MTA3: variants seen among roughly 807,000 people sequenced by gnomAD.
MTA3 encodes metastasis-associated protein MTA3.
Under a neutral mutation model 83.5 loss-of-function variants are expected in MTA3, and 34 were observed. The ratio of observed to expected loss-of-function variants is 0.41; its 90% CI spans 0.31 to 0.54. The LOEUF (loss-of-function observed/expected upper bound fraction) is 0.54. MTA3 is among the 20% of genes least tolerant of loss of function. The pLI is 0.33. For synonymous variants in MTA3, 303 were observed against 252.7 expected, an observed-to-expected ratio of 1.20 and a Z score of -1.89; for missense variants, 761 against 726.4, an observed-to-expected ratio of 1.05 and a Z score of -0.55.
At chr2:42,751,045 G>A (rs1025056369) in intron 16 of MTA3, among the ~76,000 whole-genome samples, 1 of 152,160 alleles carries the variant, frequency 6.6e-6, no homozygotes, top group Admixed American at 6.5e-5. Flanking sequence ...TGCATAGTCT[G>A]TTATCACTCA....
chr2:42,746,686 A>T (rs1204112906), intron 16 of MTA3, among the ~76,000 whole-genome samples: 2 of 152,202 alleles, frequency 1.3e-5, no homozygotes, highest in East Asian at 3.8e-4. Flanking sequence ...TAGATCCTAG[A>T]ATAGGAGAAA....
At chr2:42,688,723 G>T (rs199680028) in intron 9 of MTA3, among the ~76,000 whole-genome samples, 1 of 142,870 alleles carries the variant, frequency 7.0e-6, no homozygotes. Context: ...CGGTTTTTTT[G>T]GTAGATTCTT....
chr2:42,643,325 C>T (rs768203679), intron 5 of MTA3, among the ~76,000 whole-genome samples: 3 of 152,022 alleles, frequency 2.0e-5, no homozygotes, highest in Non-Finnish European at 2.9e-5. Flanking sequence ...CCTTTGGGAT[C>T]GTAGTGGAAA....
chr2:42,673,536 C>T (rs1691034700), intron 8 of MTA3, among the ~76,000 whole-genome samples: 1 of 152,156 alleles, frequency 6.6e-6, no homozygotes, highest in Non-Finnish European at 1.5e-5. Flanking sequence ...TATCAGTTAG[C>T]TGTTGTCATA....
At chr2:42,550,159 T>C (rs1677047997) in intron 2 of MTA3, among the ~76,000 whole-genome samples, 1 of 152,124 alleles carries the variant, frequency 6.6e-6, no homozygotes. Context: ...AGATCTACCA[T>C]AAGAACAAAT....
intron 2 of MTA3, among the ~76,000 whole-genome samples, chr2:42,516,269 G>T (rs1675141698): frequency 1.3e-5 from 2 of 152,164 alleles, no homozygotes; most frequent in Non-Finnish European, 2.9e-5. Flanking sequence ...TTAAAGTAAA[G>T]GGAAAGGGAT....
chr2:42,576,823 T>C (rs1470338720), intron 2 of MTA3, among the ~76,000 whole-genome samples: 1 of 151,832 alleles, frequency 6.6e-6, no homozygotes, highest in African/African-American at 2.4e-5. Flanking sequence ...CTTGAACCCA[T>C]GAGGCGGAAG....
intron 3 of MTA3, among the ~76,000 whole-genome samples, chr2:42,605,093 G>T (rs1683089551): frequency 6.6e-6 from 1 of 150,934 alleles, no homozygotes; most frequent in Non-Finnish European, 1.5e-5. Flanking sequence ...TCAATGAGCT[G>T]TTGGGTACAC....
intron 4 of MTA3, among the ~76,000 whole-genome samples, chr2:42,626,191 C>T (rs1361259783): frequency 6.6e-6 from 1 of 151,018 alleles, no homozygotes; most frequent in East Asian, 1.9e-4. Flanking sequence ...GATCTGCCCG[C>T]CTCGGCCTCC....
intron 3 of MTA3, among the ~76,000 whole-genome samples, chr2:42,580,008 A>G (rs1254155912): frequency 3.3e-5 from 5 of 152,194 alleles, no homozygotes; most frequent in South Asian, 2.1e-4. Flanking sequence ...CAGTGGCACA[A>G]TCATGGCTCA....
At chr2:42,651,432 G>A (rs1688706321) in intron 6 of MTA3, among the ~76,000 whole-genome samples, 1 of 152,014 alleles carries the variant, frequency 6.6e-6, no homozygotes, top group Non-Finnish European at 1.5e-5. Context: ...TAAACACTGT[G>A]AGACTCAAAG....
At chr2:42,731,388 AG>A (rs1668218824) in intron 16 of MTA3, among the ~76,000 whole-genome samples, 1 of 152,186 alleles carries the variant, frequency 6.6e-6, no homozygotes, top group African/African-American at 2.4e-5. Context: ...GAAGAAAAAG[AG>A]GTTTAATTGG....
chr2:42,576,607 A>C (rs935967817), intron 2 of MTA3, among the ~76,000 whole-genome samples: 5 of 151,296 alleles, frequency 3.3e-5, no homozygotes, highest in Non-Finnish European at 5.9e-5. Flanking sequence ...TCTCTGAAAA[A>C]AACCAAAACA....
At chr2:42,560,730 C>T (rs1036160618) in intron 2 of MTA3, among the ~76,000 whole-genome samples, 2 of 151,760 alleles carry the variant, frequency 1.3e-5, no homozygotes, top group African/African-American at 2.4e-5. Flanking sequence ...CATAGTAAAA[C>T]TCCATCTCTA....
At chr2:42,498,819 A>G (rs568062889) in intron 2 of MTA3, among the ~76,000 whole-genome samples, 3 of 152,250 alleles carry the variant, frequency 2.0e-5, no homozygotes, top group East Asian at 3.9e-4. Context: ...GAAAACTCCT[A>G]TTTTTAGGGA....
intron 16 of MTA3, among the ~76,000 whole-genome samples, chr2:42,723,628 G>A (rs1205175515): frequency 6.6e-6 from 1 of 152,154 alleles, no homozygotes; most frequent in African/African-American, 2.4e-5. Context: ...GACTCTCCAG[G>A]TGGAACTGAA....
intron 3 of MTA3, 41 bp downstream of exon 3, chr2:42,579,241 T>C (rs747121536): frequency 9.0e-5 from 127 of 1,407,976 alleles, no homozygotes; most frequent in Middle Eastern, 1.8e-4. Flanking sequence ...TTTTAAGTCT[T>C]GTGTTTTTTG....
At chr2:42,626,581 C>T (rs1686124968) in intron 4 of MTA3, among the ~76,000 whole-genome samples, 2 of 152,040 alleles carry the variant, frequency 1.3e-5, no homozygotes, top group Non-Finnish European at 2.9e-5. Context: ...CAGGCGTGGG[C>T]CACCGCACCT....
chr2:42,639,085 G>T (rs1160629946), intron 4 of MTA3, among the ~76,000 whole-genome samples: 1 of 149,284 alleles, frequency 6.7e-6, no homozygotes, highest in African/African-American at 2.5e-5. Flanking sequence ...TTTTGAGGCG[G>T]AGTCTTGCTC....
Sources: allele counts gnomAD v4.1 joint callset (sites outside exome capture counted in the v4.1 genomes callset), GRCh38; gene constraint gnomAD v4.1.1; transcripts MANE v1.5; gene names NCBI Gene and HGNC (gene_info 2026-07-23, HGNC 2026-07-21).